Variants in DPP10 observed in about 807,000 individuals in gnomAD.
The protein encoded by DPP10 is inactive dipeptidyl peptidase 10.
Under a neutral mutation model 120.9 loss-of-function variants are expected in DPP10, and 33 were observed. That is an observed-to-expected ratio of 0.27 (90% confidence interval 0.21 to 0.37). The LOEUF (loss-of-function observed/expected upper bound fraction) is 0.37, where lower values mean the gene tolerates loss of function less well. Among genes scored for constraint, DPP10 ranks in the 10% least tolerant of loss-of-function variants. The pLI is 1.00. For synonymous variants in DPP10, 337 were observed against 326.1 expected, an observed-to-expected ratio of 1.03 and a Z score of -0.36; for missense variants, 816 against 942.8, an observed-to-expected ratio of 0.87 and a Z score of 1.76.
intron 9 of DPP10, among the ~76,000 whole-genome samples, chr2:115,745,117 G>A (rs1225800049): frequency 6.7e-6 from 1 of 150,352 alleles, no homozygotes; most frequent in East Asian, 1.9e-4. Context: ...TACTCACAGT[G>A]TATTTGGCAA....
chr2:115,761,096 CAAA>C (rs34165193), intron 11 of DPP10, among the ~76,000 whole-genome samples: 10 of 90,242 alleles, frequency 1.1e-4, no homozygotes, highest in Admixed American at 2.3e-4. Context: ...GACTTTGTCT[CAAA>C]AAAAAAAAAA....
chr2:115,712,566 A>ATATATATAT (rs70941090), intron 7 of DPP10, among the ~76,000 whole-genome samples: 17 of 121,604 alleles, frequency 1.4e-4, no homozygotes, highest in East Asian at 9.4e-4. Context: ...ATATATATAT[A>ATATATATAT]AAGAAACTGT....
chr2:115,485,376 G>A (rs2075711229), intron 3 of DPP10, among the ~76,000 whole-genome samples: 1 of 151,962 alleles, frequency 6.6e-6, no homozygotes, highest in Admixed American at 6.6e-5. Flanking sequence ...GAACTAACTA[G>A]TGTTTTGATA....
intron 1 of DPP10, among the ~76,000 whole-genome samples, chr2:114,942,298 C>CATATATATATACAT (rs1553458472): frequency 1.9e-5 from 2 of 104,702 alleles, no homozygotes; most frequent in African/African-American, 7.9e-5. Context: ...TATATATATA[C>CATATATATATACAT]ATATATATAT....
intron 21 of DPP10, among the ~76,000 whole-genome samples, chr2:115,816,257 C>T (rs1191335684): frequency 2.0e-5 from 3 of 152,106 alleles, no homozygotes; most frequent in African/African-American, 7.2e-5. Flanking sequence ...AAAACTGATA[C>T]ATAAAAGCTA....
intron 1 of DPP10, among the ~76,000 whole-genome samples, chr2:115,099,351 G>A (rs2048569398): frequency 6.6e-6 from 1 of 151,922 alleles, no homozygotes; most frequent in South Asian, 2.1e-4. Context: ...TTATATGGGG[G>A]CCATGCAAAT....
At chr2:115,003,833 T>C (rs1401497595) in intron 1 of DPP10, among the ~76,000 whole-genome samples, 1 of 152,136 alleles carries the variant, frequency 6.6e-6, no homozygotes, top group Non-Finnish European at 1.5e-5. Context: ...CTTGATTTAT[T>C]CCAGTACTAT....
chr2:114,893,159 C>T (rs1005806706), intron 1 of DPP10, among the ~76,000 whole-genome samples: 1 of 152,046 alleles, frequency 6.6e-6, no homozygotes, highest in African/African-American at 2.4e-5. Context: ...TACAATTTCC[C>T]AAATTTAAAC....
At chr2:115,595,850 GT>G (rs751982231) in intron 5 of DPP10, among the ~76,000 whole-genome samples, 5 of 151,552 alleles carry the variant, frequency 3.3e-5, no homozygotes, top group Admixed American at 6.6e-5. Flanking sequence ...ACATTTCCAT[GT>G]TTTTTATAAC....
chr2:115,775,356 T>C (rs923773463), intron 13 of DPP10, among the ~76,000 whole-genome samples: 2 of 151,950 alleles, frequency 1.3e-5, no homozygotes, highest in African/African-American at 2.4e-5. Flanking sequence ...AATAATAACT[T>C]GGACAGTTCC....
intron 1 of DPP10, among the ~76,000 whole-genome samples, chr2:115,154,700 T>C (rs2051781309): frequency 6.6e-6 from 1 of 151,860 alleles, no homozygotes; most frequent in Non-Finnish European, 1.5e-5. Flanking sequence ...CTCCCCCTAC[T>C]TAGGCAAGGA....
At chr2:115,151,658 C>T (rs996120097) in intron 1 of DPP10, among the ~76,000 whole-genome samples, 2 of 151,212 alleles carry the variant, frequency 1.3e-5, no homozygotes, top group African/African-American at 2.4e-5. Context: ...CCACCCGCCT[C>T]GGCTTCCCAA....
chr2:115,214,312 C>T (rs1167902345), intron 1 of DPP10, among the ~76,000 whole-genome samples: 1 of 152,204 alleles, frequency 6.6e-6, no homozygotes, highest in East Asian at 1.9e-4. Flanking sequence ...TATTCTAATT[C>T]TGCTGCAATT....
intron 1 of DPP10, among the ~76,000 whole-genome samples, chr2:115,127,679 T>C (rs2050146357): frequency 6.6e-6 from 1 of 152,362 alleles, no homozygotes; most frequent in South Asian, 2.1e-4. Flanking sequence ...TAATTTGTAA[T>C]GTTGTCTGTG....
intron 1 of DPP10, among the ~76,000 whole-genome samples, chr2:114,664,781 A>AAAAG (rs1488116087): frequency 1.3e-5 from 2 of 151,564 alleles, no homozygotes; most frequent in Non-Finnish European, 2.9e-5. Context: ...TAGAGCATCC[A>AAAAG]AAAGATGGCA....
chr2:115,828,378 G>A (rs1688592496), intron 21 of DPP10, among the ~76,000 whole-genome samples: 1 of 151,816 alleles, frequency 6.6e-6, no homozygotes, highest in South Asian at 2.1e-4. Context: ...TTACGCTTCA[G>A]TTTATTGAAT....
intron 1 of DPP10, among the ~76,000 whole-genome samples, chr2:114,669,458 C>A (rs973687522): frequency 2.0e-5 from 3 of 152,108 alleles, no homozygotes; most frequent in Non-Finnish European, 4.4e-5. Flanking sequence ...ATGGGGAAGA[C>A]TCCCTTATGT....
chr2:115,332,694 T>C (rs1187371485), intron 2 of DPP10, among the ~76,000 whole-genome samples: 1 of 152,214 alleles, frequency 6.6e-6, no homozygotes, highest in African/African-American at 2.4e-5. Flanking sequence ...CCAGTAGTCA[T>C]TCAGGAGCAG....
At chr2:115,836,770 TGTTTGATAGG>T (rs763657055) in intron 24 of DPP10, 24 bp downstream of exon 24, 53 of 1,603,146 alleles carry the variant, frequency 3.3e-5, no homozygotes, top group Non-Finnish European at 4.3e-5. Context: ...TTGCCGCTGC[TGTTTGATAGG>T]GTATGACCTT....
Sources: gnomAD v4.1 joint callset for allele counts (sites outside exome capture counted in the v4.1 genomes callset) on GRCh38, gnomAD v4.1.1 for gene constraint, MANE v1.5 for transcripts, NCBI Gene and HGNC (gene_info 2026-07-23, HGNC 2026-07-21) for gene names.